The following OPCML variants were observed in gnomAD, a reference collection of about 807,000 sequenced individuals.
OPCML encodes the protein opioid-binding protein/cell adhesion molecule.
In OPCML, 13 loss-of-function variants were observed where a neutral mutation model predicts 37.8. That is an observed-to-expected ratio of 0.34 (90% CI 0.22 to 0.55). The LOEUF (loss-of-function observed/expected upper bound fraction) is 0.55, where lower values mean the gene tolerates loss of function less well. OPCML is among the 20% of genes least tolerant of loss of function. The probability of loss-of-function intolerance (pLI) is 0.91; values close to 1 mark genes in which losing one functional copy is unlikely to be tolerated. For missense variants in OPCML, 341 were observed against 435.6 expected (o/e 0.78, Z 1.93); for synonymous variants, 176 against 168.8 (o/e 1.04, Z -0.33).
intron 1 of OPCML, among the ~76,000 whole-genome samples, chr11:133,358,725 A>G (rs1353457279): frequency 2.0e-5 from 3 of 152,182 alleles, no homozygotes; most frequent in African/African-American, 7.2e-5. Flanking sequence ...ACACAGGCTG[A>G]CGGGCAGTGC....
chr11:132,924,061 C>T (rs1157567154), intron 2 of OPCML, among the ~76,000 whole-genome samples: 1 of 151,816 alleles, frequency 6.6e-6, no homozygotes, highest in African/African-American at 2.4e-5. Context: ...CTGCGCCCAG[C>T]CCCTAATTAA....
rs544097818 is a variant in OPCML, at chr11:133,161,421, G to A, written c.62-218411C>T. ...TAAGATTCCTGGTAGGTAGACAAGC[G>A]TGAGGAAGGTGTTCTAAGAACTGAG... is the stretch of plus-strand genomic sequence containing the variant. On this transcript the variant is annotated intron_variant, in intron 1 of 7. Coordinates refer to ENST00000524381, the MANE Select transcript of OPCML (RefSeq NM_001012393.5). Among the ~76,000 whole-genome samples, 290 of 152,314 alleles carry A rather than the reference G, an allele frequency of 1.9e-3. 1 individual carries two copies. Among genetic ancestry groups the A allele is most frequent in the African/African-American group, 6.4e-3 (265 of 41,570 alleles).
intron 4 of OPCML, among the ~76,000 whole-genome samples, chr11:132,478,824 G>A (rs2096166821): frequency 6.6e-6 from 1 of 152,158 alleles, no homozygotes. Context: ...AAGAAAGGCT[G>A]CATCCACCAG....
chr11:132,652,357 C>CACACAA (rs1208018657), intron 3 of OPCML, among the ~76,000 whole-genome samples: 2 of 148,842 alleles, frequency 1.3e-5, no homozygotes, highest in East Asian at 2.0e-4. Context: ...CAAACACACA[C>CACACAA]ACACACACAC....
chr11:132,685,792 C>T (rs1310611502), intron 2 of OPCML, among the ~76,000 whole-genome samples: 1 of 152,148 alleles, frequency 6.6e-6, no homozygotes, highest in Non-Finnish European at 1.5e-5. Flanking sequence ...TGAATCCCAC[C>T]TCGTTAAAGA....
intron 1 of OPCML, among the ~76,000 whole-genome samples, chr11:133,185,997 A>G (rs1177751262): frequency 2.6e-5 from 4 of 152,200 alleles, no homozygotes; most frequent in Admixed American, 2.6e-4. Flanking sequence ...CAACAATGGT[A>G]TGACCATGTT....
chr11:132,779,959 G>GTTT (rs1946945108), intron 2 of OPCML, among the ~76,000 whole-genome samples: 1 of 151,882 alleles, frequency 6.6e-6, no homozygotes, highest in Non-Finnish European at 1.5e-5. Flanking sequence ...TTTTGTTGTT[G>GTTT]TTGTTTAATT....
intron 2 of OPCML, among the ~76,000 whole-genome samples, chr11:132,930,470 C>G (rs1945160124): frequency 6.6e-6 from 1 of 152,066 alleles, no homozygotes; most frequent in African/African-American, 2.4e-5. Context: ...GTGTAGAAAA[C>G]TCTGAAGATT....
rs2095938473 is a variant in OPCML at position 132,416,341 on chromosome 11, T to C, written c.*3852A>G. Reference sequence around the variant, plus strand: ...TTAAGCCATTCCTCCCCTCCTACCATGGGCTGGCGACAGCCAACCAGCACT... The same window carrying C: ...TTAAGCCATTCCTCCCCTCCTACCACGGGCTGGCGACAGCCAACCAGCACT... On this transcript the variant is annotated 3_prime_UTR_variant, in exon 8 of 8. Coordinates refer to ENST00000524381, the MANE Select transcript of OPCML (RefSeq NM_001012393.5). 6.6e-6 allele frequency: 1 copy of C among 152,182 alleles called. No individual in the cohort carries two copies. The highest frequency in any genetic ancestry group is 1.5e-5 in the Non-Finnish European group (1 of 68,030). 9.4% of individuals were successfully genotyped at this position (152,182 alleles called of 1,614,324 possible).
At chr11:132,713,180 T>C (rs1944336318) in intron 2 of OPCML, among the ~76,000 whole-genome samples, 1 of 151,922 alleles carries the variant, frequency 6.6e-6, no homozygotes, top group African/African-American at 2.4e-5. Context: ...AGACACTTTA[T>C]CATGAAATTA....
chr11:133,222,725 T>G (rs566804625), intron 1 of OPCML, among the ~76,000 whole-genome samples: 1 of 151,420 alleles, frequency 6.6e-6, no homozygotes, highest in East Asian at 2.0e-4. Flanking sequence ...GACATTTGCA[T>G]CAGCAATTTA....
intron 1 of OPCML, among the ~76,000 whole-genome samples, chr11:133,120,261 G>T (rs182980543): frequency 8.5e-5 from 13 of 152,210 alleles, no homozygotes; most frequent in African/African-American, 3.1e-4. Flanking sequence ...CACATTTACT[G>T]AGCAAAGCAG....
At chr11:132,774,621 A>T (rs1946750845) in intron 2 of OPCML, among the ~76,000 whole-genome samples, 1 of 152,210 alleles carries the variant, frequency 6.6e-6, no homozygotes, top group South Asian at 2.1e-4. Flanking sequence ...ACAAAATTTT[A>T]GCTGCCTGAA....
At chr11:133,141,193 C>A (rs1333856896) in intron 1 of OPCML, among the ~76,000 whole-genome samples, 1 of 151,946 alleles carries the variant, frequency 6.6e-6, no homozygotes, top group Non-Finnish European at 1.5e-5. Context: ...AGGAACAAGG[C>A]AGCATGGTGC....
chr11:133,007,833 T>C (rs1380053798), intron 1 of OPCML: 8 of 985,320 alleles, frequency 8.1e-6, no homozygotes, highest in Middle Eastern at 5.2e-4. Context: ...CTTTTTGCAG[T>C]TGATACACGG....
intron 4 of OPCML, among the ~76,000 whole-genome samples, chr11:132,519,214 A>G (rs1015745681): frequency 1.3e-5 from 2 of 152,166 alleles, no homozygotes; most frequent in Admixed American, 1.3e-4. Flanking sequence ...AGAGAACCCT[A>G]GGTAATTACT....
chr11:133,388,404 T>C (rs768972766), intron 1 of OPCML, among the ~76,000 whole-genome samples: 1 of 152,094 alleles, frequency 6.6e-6, no homozygotes, highest in Non-Finnish European at 1.5e-5. Flanking sequence ...TTCTAACCTT[T>C]GGGATGTGTC....
At chr11:133,041,534 A>G (rs1947897600) in intron 1 of OPCML, among the ~76,000 whole-genome samples, 1 of 152,166 alleles carries the variant, frequency 6.6e-6, no homozygotes, top group African/African-American at 2.4e-5. Flanking sequence ...GAAAGGAGAA[A>G]GGCATCCTGC....
At chr11:132,447,636 T>C (rs1327420015) in intron 4 of OPCML, among the ~76,000 whole-genome samples, 1 of 152,140 alleles carries the variant, frequency 6.6e-6, no homozygotes, top group Non-Finnish European at 1.5e-5. Context: ...ACTGTCACCT[T>C]TCATTCTTTA....
Sources: allele counts gnomAD v4.1 joint callset (sites outside exome capture counted in the v4.1 genomes callset), GRCh38; gene constraint gnomAD v4.1.1; transcripts MANE v1.5; gene names NCBI Gene and HGNC (gene_info 2026-07-23, HGNC 2026-07-21).